NCK2: variants seen among roughly 807,000 people sequenced by gnomAD.
The protein encoded by NCK2 is cytoplasmic protein NCK2.
NCK2 carries 16 observed loss-of-function variants against 33.9 expected under a neutral mutation model. The ratio of observed to expected loss-of-function variants is 0.47; its 90% CI spans 0.32 to 0.72. NCK2 has a LOEUF of 0.72. Among genes scored for constraint, NCK2 ranks in the 30% least tolerant of loss-of-function variants. NCK2 has a pLI of 0.03. For synonymous variants in NCK2, 273 were observed against 239.9 expected (o/e 1.14, Z -1.27); for missense variants, 418 against 537.3 (o/e 0.78, Z 2.19).
chr2:105,893,269 G>A lies in NCK2; in HGVS notation c.*93G>A, dbSNP rs533415673. The A allele has an allele frequency of 2.4e-6, 3 of 1,241,566 alleles. No homozygotes were observed. The highest frequency in any genetic ancestry group is 2.8e-4 in the Middle Eastern group (1 of 3,604). 76.9% of individuals were successfully genotyped at this position (1,241,566 alleles called of 1,614,324 possible). On this transcript the variant is annotated 3_prime_UTR_variant, in exon 5 of 5. Coordinates refer to ENST00000233154, the MANE Select transcript of NCK2 (RefSeq NM_003581.5). ...AGGCTCCTCCCGCGGGGACGGCCCC[G>A]ACGGCTTCTCTGCGAGTCTCTCTTT...
At chr2:105,857,431 G>C (rs1677325645) in intron 3 of NCK2, among the ~76,000 whole-genome samples, 1 of 152,242 alleles carries the variant, frequency 6.6e-6, no homozygotes, top group African/African-American at 2.4e-5. Context: ...CAGATTGTTA[G>C]AAAGCTCTTC....
rs1428291506 is a variant in NCK2 at position 105,855,069 on chromosome 2, A to G, written c.6A>G (p.Thr2=). ...GCAGAAGGACTCCATGAAAGATGAC[A>G]GAAGAAGTTATTGTGATAGCCAAGT... is the stretch of plus-strand genomic sequence containing the variant. M[T]EEVIVIAKWD... is the part of the protein sequence containing the mutation. The change falls in exon 3 of 5, where the codon ACA becomes ACG. Residue 2 remains threonine (T), a synonymous_variant. Transcript: ENST00000233154. The G allele has an allele frequency of 2.5e-6, 4 of 1,613,936 alleles. No individual in the cohort carries two copies. Among genetic ancestry groups the G allele is most frequent in the Non-Finnish European group, 2.5e-6 (3 of 1,179,880 alleles).
intron 2 of NCK2, among the ~76,000 whole-genome samples, chr2:105,829,347 T>C (rs1386939380): frequency 6.6e-6 from 1 of 152,188 alleles, no homozygotes. Flanking sequence ...CTTATGAAGA[T>C]AGCCTAAAAA....
intron 1 of NCK2, among the ~76,000 whole-genome samples, chr2:105,800,529 G>A (rs1029729983): frequency 2.6e-5 from 4 of 152,162 alleles, no homozygotes; most frequent in African/African-American, 7.2e-5. Flanking sequence ...TCAGGATTAC[G>A]TAAGAGTGGC....
In NCK2 at chr2:105,881,474, G is replaced by T. The variant is rs147879012; in HGVS notation, c.373G>T (p.Glu125Ter). 2 of 1,613,922 alleles carry T rather than the reference G, an allele frequency of 1.2e-6. No individual in the cohort carries two copies. The highest frequency in any genetic ancestry group is 8.5e-7 in the Non-Finnish European group (1 of 1,180,000). Residue 125 changes from glutamate (E) to a stop codon, truncating the protein, a stop_gained, in exon 4 of 5, where the codon GAG becomes TAG. Transcript: ENST00000233154. LOFTEE classifies it high-confidence loss of function. ...CTTCGTCAAGTTCGCCTATGTGGCC[G>T]AGCGGGAGGATGAGTTGTCCCTGGT... is the stretch of plus-strand genomic sequence containing the variant. ...PAFVKFAYVA[E>*]REDELSLVKG...
At chr2:105,861,325 G>A (rs6704555) in intron 3 of NCK2, among the ~76,000 whole-genome samples, 141,540 of 152,190 alleles carry the variant, frequency 0.93, 65,888 homozygotes, top group East Asian at 0.98. Context: ...TTTAAAGACA[G>A]TGTATACAGA....
At chr2:105,854,835 CAT>C (rs1677196236) in intron 2 of NCK2, 1 of 474,970 alleles carries the variant, frequency 2.1e-6, no homozygotes. Flanking sequence ...CAAACAGTAA[CAT>C]AAGATTTGTT....
chr2:105,811,879 C>T (rs1300648869), intron 1 of NCK2, among the ~76,000 whole-genome samples: 1 of 152,124 alleles, frequency 6.6e-6, no homozygotes, highest in Non-Finnish European at 1.5e-5. Context: ...CTTGCTATTT[C>T]CTTCTTTTCT....
At chr2:105,812,815 C>CTTTTTT (rs5833152) in intron 1 of NCK2, among the ~76,000 whole-genome samples, 1 of 142,972 alleles carries the variant, frequency 7.0e-6, no homozygotes, top group African/African-American at 2.6e-5. Context: ...TTCAACAAGG[C>CTTTTTT]TTTTTTTTTT....
chr2:105,838,331 T>TA (rs1676512289), intron 2 of NCK2, among the ~76,000 whole-genome samples: 1 of 150,248 alleles, frequency 6.7e-6, no homozygotes, highest in East Asian at 1.9e-4. Context: ...TTTGGCCAGG[T>TA]AACTAGTCTT....
intron 1 of NCK2, among the ~76,000 whole-genome samples, chr2:105,806,286 G>GCAGT: frequency 7.3e-6 from 1 of 136,790 alleles, no homozygotes; most frequent in Non-Finnish European, 1.5e-5. Context: ...CGCCCAGTCT[G>GCAGT]CAGTGCAGTG....
chr2:105,823,132 CTGTGTGTGTGTGTGTG>C (rs10610689), intron 2 of NCK2, among the ~76,000 whole-genome samples: 45,369 of 148,580 alleles, frequency 0.31, 7,252 homozygotes, highest in South Asian at 0.39. Context: ...TCCTCTCATG[CTGTGTGTGTGTGTGTG>C]TGTGTGTGTG....
chr2:105,812,815 C>CTT (rs5833152), intron 1 of NCK2, among the ~76,000 whole-genome samples: 39,016 of 142,472 alleles, frequency 0.27, 5,910 homozygotes, highest in South Asian at 0.37. Flanking sequence ...TTCAACAAGG[C>CTT]TTTTTTTTTT....
At chr2:105,826,197 G>A (rs930503511) in intron 2 of NCK2, among the ~76,000 whole-genome samples, 2 of 152,178 alleles carry the variant, frequency 1.3e-5, no homozygotes, top group African/African-American at 4.8e-5. Flanking sequence ...TCACAGGGTG[G>A]CAAGAAGAAG....
intron 2 of NCK2, among the ~76,000 whole-genome samples, chr2:105,830,931 TG>T (rs906786727): frequency 1.3e-5 from 2 of 152,206 alleles, no homozygotes; most frequent in Non-Finnish European, 2.9e-5. Context: ...TTTTTCTTTT[TG>T]TTTTGCTGTT....
chr2:105,881,705 A>G lies in NCK2; in HGVS notation c.604A>G (p.Thr202Ala). 1 of 1,614,184 alleles carries G rather than the reference A, an allele frequency of 6.2e-7. No homozygotes were observed. Among genetic ancestry groups the G allele is most frequent in the South Asian group, 1.1e-5 (1 of 91,086 alleles). The change falls in exon 4 of 5, where the codon ACG becomes GCG. Residue 202 changes from threonine (T) to alanine (A), a missense_variant. Physicochemically the swap from Thr to Ala is moderately conservative, Grantham distance 58. Coordinates refer to ENST00000233154, the MANE Select transcript of NCK2 (RefSeq NM_003581.5). ...QGSRVLHVVQ[T>A]LYPFSSVTEE... The stretch of plus-strand genomic sequence containing the variant: ...CTCCCGCGTGCTGCATGTGGTCCAG[A>G]CGCTGTACCCCTTCAGCTCAGTCAC...
intron 1 of NCK2, among the ~76,000 whole-genome samples, chr2:105,768,728 G>C (rs574681234): frequency 5.3e-5 from 8 of 152,088 alleles, no homozygotes; most frequent in African/African-American, 1.9e-4. Flanking sequence ...TTTTATGTAT[G>C]GCCCAAGATG....
chr2:105,825,371 A>G (rs188850309), intron 2 of NCK2, among the ~76,000 whole-genome samples: 76 of 152,296 alleles, frequency 5.0e-4, no homozygotes, highest in African/African-American at 1.8e-3. Context: ...TTCCGTTACT[A>G]GTGTTTAGTT....
intron 1 of NCK2, among the ~76,000 whole-genome samples, chr2:105,807,592 G>T (rs1446054811): frequency 6.6e-6 from 1 of 152,122 alleles, no homozygotes; most frequent in Non-Finnish European, 1.5e-5. Context: ...AGTGACACCA[G>T]CCTCTTGGAG....
Sources: allele counts gnomAD v4.1 joint callset (sites outside exome capture counted in the v4.1 genomes callset), GRCh38; gene constraint gnomAD v4.1.1; transcripts MANE v1.5; gene names NCBI Gene and HGNC (gene_info 2026-07-23, HGNC 2026-07-21).